CLDN2: variants seen among roughly 807,000 people sequenced by gnomAD.
CLDN2 encodes the protein claudin-2.
In CLDN2, 1 loss-of-function variant was observed where a neutral mutation model predicts 8.2. The observed-to-expected ratio is 0.12, with a 90% CI of 0.04 to 0.58. The LOEUF is 0.58. Ranked by LOEUF, CLDN2 falls within the 20% of genes least tolerant of loss-of-function variation. The probability of loss-of-function intolerance (pLI) is 0.90; values close to 1 mark genes in which losing one functional copy is unlikely to be tolerated. For synonymous variants in CLDN2, 70 were observed against 70.2 expected, an observed-to-expected ratio of 1.00 and a Z score of 0.01; for missense variants, 108 against 172.9, an observed-to-expected ratio of 0.62 and a Z score of 2.11.
chrX:106,924,463 G>A (rs904030803), intron 1 of CLDN2, among the ~76,000 whole-genome samples: 3 of 110,574 alleles, frequency 2.7e-5, no homozygotes, highest in African/African-American at 9.9e-5. Context: ...CCAATGTCAA[G>A]AAAGACTTGC....
At chrX:106,900,450 A>G in exon 1 of CLDN2, 1 of 249,905 alleles carries the variant, frequency 4.0e-6, no homozygotes, top group Non-Finnish European at 7.1e-6. Flanking sequence ...CATGGTCAAC[A>G]CAACAGCAGC....
chrX:106,923,134 C>T (rs1480453360), intron 1 of CLDN2, among the ~76,000 whole-genome samples: 6 of 111,393 alleles, frequency 5.4e-5, no homozygotes, highest in African/African-American at 2.0e-4. Context: ...GCCACCACGC[C>T]CAACTAATTT....
In CLDN2 at chrX:106,928,128, A is replaced by T; in HGVS notation, c.-101A>T. On this transcript the variant is annotated 5_prime_UTR_variant, in exon 2 of 2. Transcript: ENST00000336803. ...AGGAGGAGAGAAGTCAGCCTGGCAG[A>T]GAGACTCTGAAATGAGGGATTAGAG... is the stretch of plus-strand genomic sequence containing the variant. 1 of 623,007 alleles carries T rather than the reference A, an allele frequency of 1.6e-6. No homozygotes were observed. Among genetic ancestry groups the T allele is most frequent in the Non-Finnish European group, 2.5e-6 (1 of 405,819 alleles). 51.3% of individuals were successfully genotyped at this position (623,007 alleles called of 1,213,427 possible).
At chrX:106,916,927 G>T (rs922800161), upstream of CLDN2, among the ~76,000 whole-genome samples, 1 of 111,865 alleles carries the variant, frequency 8.9e-6, no homozygotes, top group African/African-American at 3.3e-5. Context: ...GCACATGCTT[G>T]TAGTCTCAGC....
At chrX:106,901,712 G>A (rs1272827242) in intron 1 of CLDN2, among the ~76,000 whole-genome samples, 1 of 111,662 alleles carries the variant, frequency 9.0e-6, no homozygotes, top group African/African-American at 3.3e-5. Context: ...CTTGGTTCTG[G>A]TTGAAAAACA....
Position 106,927,176 on chromosome X carries a change from C to A in CLDN2, c.-178-875C>A, listed in dbSNP as rs765682974. Among the ~76,000 whole-genome samples, 3 of 111,730 alleles carry A rather than the reference C, an allele frequency of 2.7e-5. No homozygotes were observed. The East Asian group carries it at 8.5e-4, about 32-fold the overall frequency. Reference sequence around the variant, plus strand: ...CTTAGTGTCCTGAATCTTGGCAACACCGAGGGCTCCTTGAACACGGCAAAA... The same window carrying A: ...CTTAGTGTCCTGAATCTTGGCAACAACGAGGGCTCCTTGAACACGGCAAAA... On this transcript the variant is annotated intron_variant, in intron 1 of 1. Transcript: ENST00000336803.
At chrX:106,905,632 G>A (rs1287509487) in intron 1 of CLDN2, among the ~76,000 whole-genome samples, 1 of 111,761 alleles carries the variant, frequency 8.9e-6, no homozygotes, top group African/African-American at 3.3e-5. Flanking sequence ...CACAACACCT[G>A]TTGTCACACT....
intron 1 of CLDN2, among the ~76,000 whole-genome samples, chrX:106,923,885 C>T (rs746369037): frequency 9.0e-6 from 1 of 110,859 alleles, no homozygotes. Context: ...ATCTAGAAGT[C>T]GAGATGAAAC....
chrX:106,927,123 T>C (rs1023081440), intron 1 of CLDN2, among the ~76,000 whole-genome samples: 2 of 111,543 alleles, frequency 1.8e-5, no homozygotes, highest in African/African-American at 6.5e-5. Flanking sequence ...GAGGGTCTTG[T>C]AGAGAATGGG....
chrX:106,900,680 A>C, intron 1 of CLDN2: 1 of 1,139,066 alleles, frequency 8.8e-7, no homozygotes, highest in African/African-American at 1.8e-5. Flanking sequence ...AAGGGGGATG[A>C]GCTGTGGCGC....
intron 1 of CLDN2, chrX:106,900,861 C>T (rs1403868565): frequency 1.7e-6 from 2 of 1,211,507 alleles, no homozygotes; most frequent in Non-Finnish European, 2.2e-6. Flanking sequence ...TAAAATCTCC[C>T]CAGCACTGTA....
At chrX:106,913,352 C>T (rs180717627) in intron 1 of CLDN2, among the ~76,000 whole-genome samples, 3 of 112,292 alleles carry the variant, frequency 2.7e-5, no homozygotes, top group Admixed American at 9.4e-5. Context: ...ACCTCAGCCT[C>T]CCAAAGTGCT....
At chrX:106,916,218 A>C (rs1039207140), upstream of CLDN2, among the ~76,000 whole-genome samples, 2 of 111,142 alleles carry the variant, frequency 1.8e-5, no homozygotes, top group Admixed American at 1.9e-4. Flanking sequence ...AGACCCCAGG[A>C]ATCAGGGAAG....
intron 1 of CLDN2, among the ~76,000 whole-genome samples, chrX:106,923,692 T>C (rs1933426601): frequency 9.0e-6 from 1 of 111,622 alleles, no homozygotes; most frequent in African/African-American, 3.3e-5. Flanking sequence ...TGATTCCAGC[T>C]TTGCAAATGT....
chrX:106,909,884 C>A (rs1006415843), intron 1 of CLDN2, among the ~76,000 whole-genome samples: 2 of 111,498 alleles, frequency 1.8e-5, no homozygotes, highest in African/African-American at 6.5e-5. Flanking sequence ...GCTCTCTTGG[C>A]AGAACCTCTC....
intron 1 of CLDN2, chrX:106,900,684 G>A: frequency 8.7e-7 from 1 of 1,144,657 alleles, no homozygotes; most frequent in Non-Finnish European, 1.2e-6. Context: ...GGGATGAGCT[G>A]TGGCGCTGTA....
intron 1 of CLDN2, chrX:106,901,398 C>G: frequency 1.0e-6 from 1 of 987,350 alleles, no homozygotes; most frequent in Non-Finnish European, 1.4e-6. Context: ...CCCTCTCCTG[C>G]TTCACAAGAC....
chrX:106,904,224 A>C (rs1933149415), intron 1 of CLDN2, among the ~76,000 whole-genome samples: 1 of 113,032 alleles, frequency 8.8e-6, no homozygotes, highest in Non-Finnish European at 1.9e-5. Context: ...CAGGGGCTAC[A>C]TAAATGGGTA....
chrX:106,925,528 A>C (rs1385407452), intron 1 of CLDN2, among the ~76,000 whole-genome samples: 1 of 112,633 alleles, frequency 8.9e-6, no homozygotes, highest in African/African-American at 3.2e-5. Flanking sequence ...ATGAAGCTTG[A>C]GAGGTCATGG....
Sources: allele counts gnomAD v4.1 joint callset (sites outside exome capture counted in the v4.1 genomes callset), GRCh38; gene constraint gnomAD v4.1.1; transcripts MANE v1.5; gene names NCBI Gene and HGNC (gene_info 2026-07-23, HGNC 2026-07-21).